VDAC1: variants seen among roughly 807,000 people sequenced by gnomAD.
The protein encoded by VDAC1 is voltage dependent anion channel 1, also known as non-selective voltage-gated ion channel VDAC1.
A neutral mutation model predicts 34.7 loss-of-function variants in VDAC1; 10 were observed. That is an observed-to-expected ratio of 0.29 (90% CI 0.18 to 0.49). VDAC1 has a LOEUF of 0.49. Ranked by LOEUF, VDAC1 falls within the 20% of genes least tolerant of loss-of-function variation. The pLI is 0.99. For synonymous variants in VDAC1, 130 were observed against 136.0 expected, an observed-to-expected ratio of 0.96 and a Z score of 0.30; for missense variants, 230 against 347.9, an observed-to-expected ratio of 0.66 and a Z score of 2.69.
At chr5:134,031,786 A>G in the VDAC1 span, among the ~76,000 whole-genome samples, 1 of 152,070 alleles carries the variant, frequency 6.6e-6, no homozygotes, top group Non-Finnish European at 1.5e-5. Flanking sequence ...CCCCATCTCT[A>G]CTAAAAATAC....
the VDAC1 span, among the ~76,000 whole-genome samples, chr5:134,105,563 G>A: frequency 6.6e-6 from 1 of 152,256 alleles, no homozygotes; most frequent in Non-Finnish European, 1.5e-5. Context: ...GGTATTTACT[G>A]GATATCTGCT....
chr5:134,045,068 G>T, the VDAC1 span, among the ~76,000 whole-genome samples: 14 of 152,320 alleles, frequency 9.2e-5, no homozygotes, highest in Non-Finnish European at 1.6e-4. Context: ...TCCATTCCTT[G>T]TGCTTCCCAA....
chr5:134,044,420 C>G, the VDAC1 span, among the ~76,000 whole-genome samples: 1 of 152,250 alleles, frequency 6.6e-6, no homozygotes, highest in African/African-American at 2.4e-5. Flanking sequence ...ACCTCCTCAG[C>G]TGCTGGGAGG....
At chr5:134,014,608 C>G in the VDAC1 span, among the ~76,000 whole-genome samples, 1 of 152,176 alleles carries the variant, frequency 6.6e-6, no homozygotes, top group Admixed American at 6.5e-5. Flanking sequence ...TGGCTCACAC[C>G]TGTAATCCCA....
the VDAC1 span, among the ~76,000 whole-genome samples, chr5:134,096,330 C>T: frequency 6.6e-6 from 1 of 152,268 alleles, no homozygotes; most frequent in African/African-American, 2.4e-5. Context: ...CCCTCACCCT[C>T]CATGCCAGGT....
the VDAC1 span, among the ~76,000 whole-genome samples, chr5:134,095,569 C>G: frequency 1.3e-5 from 2 of 152,096 alleles, no homozygotes; most frequent in Admixed American, 1.3e-4. Flanking sequence ...TGTAATCTAA[C>G]TTTTTCTCAT....
the VDAC1 span, among the ~76,000 whole-genome samples, chr5:134,053,780 T>A: frequency 1.3e-5 from 2 of 152,356 alleles, no homozygotes; most frequent in African/African-American, 4.8e-5. Context: ...CTAGGGAAGA[T>A]GCCTTTTTCC....
chr5:134,069,012 T>TGTGTGTG, the VDAC1 span, among the ~76,000 whole-genome samples: 11 of 56,262 alleles, frequency 2.0e-4, no homozygotes, highest in East Asian at 4.2e-4. Context: ...GTGTGTGTGT[T>TGTGTGTG]CACGTGCGCC....
At chr5:134,098,993 A>T in the VDAC1 span, among the ~76,000 whole-genome samples, 1 of 152,222 alleles carries the variant, frequency 6.6e-6, no homozygotes, top group Non-Finnish European at 1.5e-5. Context: ...AGGAGCAATG[A>T]GAAGGGAGAC....
chr5:134,064,780 TGATCTCAGCTCACTGTGA>T, the VDAC1 span, among the ~76,000 whole-genome samples: 1 of 151,720 alleles, frequency 6.6e-6, no homozygotes, highest in Admixed American at 6.6e-5. Context: ...TACAATGGTG[TGATCTCAGCTCACTGTGA>T]CCTCTGCTCC....
the VDAC1 span, among the ~76,000 whole-genome samples, chr5:134,021,188 T>C: frequency 6.8e-6 from 1 of 148,104 alleles, no homozygotes; most frequent in Non-Finnish European, 1.5e-5. Flanking sequence ...GACCTTGTCT[T>C]TTTTTTTTTA....
At chr5:134,054,458 C>CTTTTTTTTTTTTTTTTTTTT in the VDAC1 span, among the ~76,000 whole-genome samples, 9 of 123,544 alleles carry the variant, frequency 7.3e-5, no homozygotes, top group Non-Finnish European at 9.6e-5. Context: ...TCCTTCCTTC[C>CTTTTTTTTTTTTTTTTTTTT]TTTTTTTTTT....
At chr5:134,033,857 T>G in the VDAC1 span, among the ~76,000 whole-genome samples, 34 of 151,678 alleles carry the variant, frequency 2.2e-4, no homozygotes, top group Non-Finnish European at 2.9e-5. Context: ...CCGGGAGTGG[T>G]GGCAGGCGCC....
chr5:134,085,884 C>A, the VDAC1 span, among the ~76,000 whole-genome samples: 1 of 151,822 alleles, frequency 6.6e-6, no homozygotes, highest in African/African-American at 2.4e-5. Context: ...CAGAATAAGA[C>A]CCTATCTCTG....
chr5:134,090,721 A>C, the VDAC1 span, among the ~76,000 whole-genome samples: 13 of 152,200 alleles, frequency 8.5e-5, no homozygotes, highest in Non-Finnish European at 1.9e-4. Context: ...AAACATCCTA[A>C]ACCACCGAAT....
the VDAC1 span, among the ~76,000 whole-genome samples, chr5:134,042,275 G>A: frequency 1.3e-5 from 2 of 152,126 alleles, no homozygotes; most frequent in Non-Finnish European, 2.9e-5. Context: ...CCCTGATAGC[G>A]ACAAGCTTTC....
intron 6 of VDAC1, among the ~76,000 whole-genome samples, chr5:133,976,639 C>A (rs1752493513): frequency 6.7e-6 from 1 of 149,568 alleles, no homozygotes; most frequent in African/African-American, 2.5e-5. Context: ...GAGATCCTGT[C>A]TCTATAAGGA....
Position 133,980,869 on chromosome 5 carries a change from G to A in VDAC1, c.411C>T (p.Ser137=). ...AACCTAGCACCAGAGCACCCCGGAT[G>A]GAAGGCCCAGCAATGTCGAAATCCA... ...CDMDFDIAGP[S]IRGALVLGYE... is the part of the protein sequence containing the mutation. Residue 137 remains serine (S), a synonymous_variant, in exon 6 of 9, where the codon TCC becomes TCT. Transcript: ENST00000265333. The A allele has an allele frequency of 1.2e-6, 2 of 1,613,932 alleles. No individual in the cohort carries two copies. Among genetic ancestry groups the A allele is most frequent in the Non-Finnish European group, 1.7e-6 (2 of 1,179,962 alleles).
chr5:134,076,001 G>A, the VDAC1 span, among the ~76,000 whole-genome samples: 1 of 151,668 alleles, frequency 6.6e-6, no homozygotes, highest in Non-Finnish European at 1.5e-5. Flanking sequence ...TTGTTTTTGA[G>A]ATGGAGTCTC....
Sources: allele counts gnomAD v4.1 joint callset (sites outside exome capture counted in the v4.1 genomes callset), GRCh38; gene constraint gnomAD v4.1.1; transcripts MANE v1.5; gene names NCBI Gene and HGNC (gene_info 2026-07-23, HGNC 2026-07-21).